The following ADAM10 variants were observed in gnomAD, a reference collection of about 807,000 sequenced individuals.
ADAM10 encodes the protein disintegrin and metalloproteinase domain-containing protein 10.
Under a neutral mutation model 90.1 loss-of-function variants are expected in ADAM10, and 17 were observed. The ratio of observed to expected loss-of-function variants is 0.19; its 90% CI spans 0.13 to 0.28. The LOEUF (loss-of-function observed/expected upper bound fraction) is 0.28, where lower values mean the gene tolerates loss of function less well. Ranked by LOEUF, ADAM10 falls within the 10% of genes least tolerant of loss-of-function variation. ADAM10 has a pLI of 1.00. For missense variants in ADAM10, 610 were observed against 914.3 expected, an observed-to-expected ratio of 0.67 and a Z score of 4.29; for synonymous variants, 310 against 298.6, an observed-to-expected ratio of 1.04 and a Z score of -0.40.
chr15:58,657,477 A>C (rs12917500), intron 5 of ADAM10, among the ~76,000 whole-genome samples: 22,082 of 151,732 alleles, frequency 0.15, 1,899 homozygotes, highest in South Asian at 0.33. Context: ...TTACTAAGAG[A>C]CTCTGATGCA....
Position 58,640,954 on chromosome 15 carries a change from T to A in ADAM10, c.835A>T (p.Thr279Ser). 1 of 1,613,824 alleles carries A rather than the reference T, an allele frequency of 6.2e-7. No individual in the cohort carries two copies. The highest frequency in any genetic ancestry group is 8.5e-7 in the Non-Finnish European group (1 of 1,179,696). The change falls in exon 8 of 16, where the codon ACA becomes TCA. Residue 279 changes from threonine to serine, a missense_variant. Transcript: ENST00000260408. ...SFMVKRIRIN[T>S]TADEKDPTNP... The stretch of plus-strand genomic sequence containing the variant: ...GTAGGGTCCTTCTCATCAGCAGTTG[T>A]ATTGATCTAAAATCCAAAACAATAA...
chr15:58,610,809 AT>A, intron 13 of ADAM10, 189 bp downstream of exon 13: 1 of 642,768 alleles, frequency 1.6e-6, no homozygotes, highest in South Asian at 1.9e-5. Flanking sequence ...CTAGTTTATC[AT>A]TTTTAAAACA....
chr15:58,603,876 TAAAAAAAAAAA>T (rs34718794), intron 14 of ADAM10, among the ~76,000 whole-genome samples: 1 of 72,066 alleles, frequency 1.4e-5, no homozygotes, highest in Non-Finnish European at 2.8e-5. Flanking sequence ...GGTCCAGGGT[TAAAAAAAAAAA>T]AAAAAAAAAA....
chr15:58,641,038 G>C, intron 7 of ADAM10, 78 bp from the exon 8 acceptor site: 8 of 1,326,448 alleles, frequency 6.0e-6, no homozygotes, highest in Non-Finnish European at 8.6e-6. Context: ...ACCTTCTTCT[G>C]CGTACACCTG....
At chr15:58,603,605 C>A (rs1895175184) in intron 14 of ADAM10, among the ~76,000 whole-genome samples, 1 of 151,794 alleles carries the variant, frequency 6.6e-6, no homozygotes, top group Non-Finnish European at 1.5e-5. Flanking sequence ...AAAATATGGC[C>A]ATCAGTGTTA....
At chr15:58,608,500 G>A (rs1316377238) in intron 14 of ADAM10, among the ~76,000 whole-genome samples, 1 of 152,104 alleles carries the variant, frequency 6.6e-6, no homozygotes, top group Non-Finnish European at 1.5e-5. Flanking sequence ...ACAGCCTAGC[G>A]GTACTCTTCA....
chr15:58,592,481 G>A lies in ADAM10; in HGVS notation c.*5066C>T, dbSNP rs1361413057. ...AGTGGTAACTTCTAAGGTGCCTCCT[G>A]AATCTTTCTGATCTGGTACAAAACA... On this transcript the variant is annotated 3_prime_UTR_variant, in exon 16 of 16. Transcript: ENST00000260408. 6.6e-6 allele frequency: 1 copy of A among 152,116 alleles called. No individual in the cohort carries two copies. The highest frequency in any genetic ancestry group is 1.5e-5 in the Non-Finnish European group (1 of 68,026). The allele number at this position is 152,116 out of a possible 1,614,324, so 9.4% of individuals were successfully genotyped here.
rs1377005704 is a variant in ADAM10, at chr15:58,670,232, T to C, written c.485-5035A>G. Reference sequence around the variant, plus strand: ...AAAAATAGGAGACATTTTTGTGAAGTAATTGGGGAAGTGTGTCCACAGACT... The same window carrying C: ...AAAAATAGGAGACATTTTTGTGAAGCAATTGGGGAAGTGTGTCCACAGACT... On this transcript the variant is annotated intron_variant, in intron 4 of 15. Transcript: ENST00000260408. 4.0e-5 allele frequency among the ~76,000 whole-genome samples: 6 copies of C among 151,462 alleles called. No homozygotes were observed. The East Asian group carries it at 9.7e-4, about 24-fold the overall frequency.
At chr15:58,684,507 A>G (rs1897533067) in intron 2 of ADAM10, among the ~76,000 whole-genome samples, 1 of 152,234 alleles carries the variant, frequency 6.6e-6, no homozygotes, top group South Asian at 2.1e-4. Flanking sequence ...ATTAAGCTCT[A>G]TAGAAACTCT....
In ADAM10 at chr15:58,610,285, A is replaced by T; in HGVS notation, c.2025+12T>A. 2 of 1,612,408 alleles carry T rather than the reference A, an allele frequency of 1.2e-6. No homozygotes were observed. The highest frequency in any genetic ancestry group is 1.7e-4 in the Middle Eastern group (1 of 6,058). On this transcript the variant is annotated intron_variant, in intron 14 of 15. Coordinates refer to ENST00000260408, the MANE Select transcript of ADAM10 (RefSeq NM_001110.4). Reference sequence around the variant, plus strand: ...ACTTTAAGTTTTCTTTGTAAATAAAAAACATACTTACCACAATCCATTCAG... The same window carrying T: ...ACTTTAAGTTTTCTTTGTAAATAAATAACATACTTACCACAATCCATTCAG...
At chr15:58,703,466 GTTTT>G (rs1898189084) in intron 2 of ADAM10, among the ~76,000 whole-genome samples, 1 of 152,058 alleles carries the variant, frequency 6.6e-6, no homozygotes, top group Non-Finnish European at 1.5e-5. Flanking sequence ...AGATGAATAG[GTTTT>G]TTTAAAGTAT....
chr15:58,706,015 T>C (rs1328826647), intron 2 of ADAM10, among the ~76,000 whole-genome samples: 2 of 152,238 alleles, frequency 1.3e-5, no homozygotes, highest in East Asian at 1.9e-4. Context: ...CAGGCATTCA[T>C]TGGGGAATCT....
At chr15:58,662,650 G>C (rs960794557) in intron 5 of ADAM10, among the ~76,000 whole-genome samples, 10 of 152,122 alleles carry the variant, frequency 6.6e-5, no homozygotes, top group Admixed American at 1.3e-4. Context: ...CCTGGCCCAA[G>C]TATTGTTTTT....
chr15:58,687,308 T>C (rs1362674833), intron 2 of ADAM10, among the ~76,000 whole-genome samples: 1 of 152,244 alleles, frequency 6.6e-6, no homozygotes, highest in East Asian at 1.9e-4. Context: ...TTTGTATTCT[T>C]ACGTTCCTCT....
intron 5 of ADAM10, among the ~76,000 whole-genome samples, chr15:58,658,162 C>T (rs1222107868): frequency 6.6e-6 from 1 of 151,978 alleles, no homozygotes; most frequent in Non-Finnish European, 1.5e-5. Flanking sequence ...GCATATAGGT[C>T]CATTTTCCAT....
At chr15:58,651,021 G>C (rs1257578139) in intron 5 of ADAM10, among the ~76,000 whole-genome samples, 1 of 151,798 alleles carries the variant, frequency 6.6e-6, no homozygotes, top group Admixed American at 6.6e-5. Flanking sequence ...CATTTCTCCA[G>C]ATCAAAATCC....
intron 2 of ADAM10, among the ~76,000 whole-genome samples, chr15:58,697,040 C>T (rs1191979090): frequency 2.6e-5 from 4 of 152,162 alleles, no homozygotes; most frequent in African/African-American, 9.7e-5. Flanking sequence ...AAACCACTGG[C>T]AGCAACCCCA....
chr15:58,724,131 C>G (rs1465757513), intron 1 of ADAM10, among the ~76,000 whole-genome samples: 1 of 151,122 alleles, frequency 6.6e-6, no homozygotes, highest in African/African-American at 2.4e-5. Flanking sequence ...GAGCCGAAAT[C>G]GTGCCATTGC....
intron 9 of ADAM10, among the ~76,000 whole-genome samples, chr15:58,632,877 C>G (rs1453770638): frequency 1.3e-5 from 2 of 152,258 alleles, no homozygotes; most frequent in Non-Finnish European, 2.9e-5. Context: ...AATAATGATT[C>G]TCATTCAAAA....
Sources: gnomAD v4.1 joint callset for allele counts (sites outside exome capture counted in the v4.1 genomes callset) on GRCh38, gnomAD v4.1.1 for gene constraint, MANE v1.5 for transcripts, NCBI Gene and HGNC (gene_info 2026-07-23, HGNC 2026-07-21) for gene names.